Variants in KLHL18 observed in about 807,000 individuals in gnomAD.
The protein encoded by KLHL18 is kelch-like protein 18.
In KLHL18, 38 loss-of-function variants were observed where a neutral mutation model predicts 58.5. The ratio of observed to expected loss-of-function variants is 0.65; its 90% confidence interval spans 0.50 to 0.85. The LOEUF (loss-of-function observed/expected upper bound fraction) is 0.85, where lower values mean the gene tolerates loss of function less well. KLHL18 is among the 40% of genes least tolerant of loss of function. The probability of loss-of-function intolerance (pLI) is 0.00; values close to 1 mark genes in which losing one functional copy is unlikely to be tolerated. For missense variants in KLHL18, 624 were observed against 778.4 expected (o/e 0.80, Z 2.36); for synonymous variants, 303 against 301.9 (o/e 1.00, Z -0.04).
chr3:47,328,833 C>T (rs954554366), intron 3 of KLHL18, among the ~76,000 whole-genome samples: 1 of 152,010 alleles, frequency 6.6e-6, no homozygotes, highest in African/African-American at 2.4e-5. Flanking sequence ...CTTGTCTGAA[C>T]AATTAGGCCC....
chr3:47,331,761 G>T lies in KLHL18; in HGVS notation c.601-1396G>T, dbSNP rs537084786. ...CCTTTTTTTTTTTTTTTTAAAGTGA[G>T]AGAAATTACAGCATATTTGACTGCT... is the stretch of plus-strand genomic sequence containing the variant. On this transcript the variant is annotated intron_variant, in intron 4 of 9. Transcript: ENST00000232766. Among the ~76,000 whole-genome samples, 7 of 150,052 alleles carry T rather than the reference G, an allele frequency of 4.7e-5. No individual in the cohort carries two copies. In the East Asian group the frequency reaches 1.4e-3, roughly 29 times the overall value.
At position 47,330,108 on chromosome 3, in the gene KLHL18, C is replaced by T; in HGVS notation, c.559C>T (p.Leu187=). 6.2e-7 allele frequency: 1 copy of T among 1,614,124 alleles called. No homozygotes were observed. Among genetic ancestry groups the T allele is most frequent in the East Asian group, 2.2e-5 (1 of 44,890 alleles). The change falls in exon 4 of 10, where the codon CTG becomes TTG. Residue 187 remains leucine (L), a synonymous_variant. Transcript: ENST00000232766. ...CCTGCCCTTGGAAGACGTGCTTGAG[C>T]TGGTGTCTCGGGATGAGCTGAATGT... is the stretch of plus-strand genomic sequence containing the variant. The part of the protein sequence containing the change: ...LALPLEDVLE[L]VSRDELNVKS...
intron 1 of KLHL18, among the ~76,000 whole-genome samples, chr3:47,301,822 A>C (rs1703032242): frequency 6.6e-6 from 1 of 152,038 alleles, no homozygotes; most frequent in African/African-American, 2.4e-5. Flanking sequence ...TTGAGATAGG[A>C]TGTTGCTCTG....
intron 1 of KLHL18, among the ~76,000 whole-genome samples, chr3:47,287,054 A>G (rs1260596413): frequency 2.0e-5 from 3 of 152,166 alleles, no homozygotes; most frequent in Non-Finnish European, 4.4e-5. Context: ...CAGTGGTTCC[A>G]TTTTGGAGGG....
chr3:47,325,666 T>A (rs1010165007), intron 3 of KLHL18, among the ~76,000 whole-genome samples: 1 of 152,230 alleles, frequency 6.6e-6, no homozygotes, highest in Non-Finnish European at 1.5e-5. Context: ...CGCTGCTTTT[T>A]TTCCCCCTGA....
chr3:47,324,298 CTTTTTTTTTTTTTTTTTTT>C (rs769288621), intron 3 of KLHL18, among the ~76,000 whole-genome samples: 1 of 37,486 alleles, frequency 2.7e-5, no homozygotes, highest in African/African-American at 1.0e-4. Context: ...TTCTTTCTTT[CTTTTTTTTTTTTTTTTTTT>C]TTTTTTTCTG....
At position 47,342,765 on chromosome 3, in the gene KLHL18, G is replaced by A. The variant is rs1367421090; in HGVS notation, c.1273G>A (p.Val425Ile). ...GAGCTCGAATCGCAGTGCTGCTGGG[G>A]TTACAGTCTTTGAGGGCAGGATATA... ...SMSSNRSAAG[V>I]TVFEGRIYVS... Residue 425 changes from valine to isoleucine, a missense_variant, in exon 9 of 10, where the codon GTT becomes ATT. By Grantham distance (29) the Val-to-Ile change is conservative. Transcript: ENST00000232766. The A allele has an allele frequency of 3.7e-6, 6 of 1,614,192 alleles. No homozygotes were observed. The highest frequency in any genetic ancestry group is 5.1e-6 in the Non-Finnish European group (6 of 1,180,030).
rs764335912 is a variant in KLHL18, at chr3:47,283,080, G to A, written c.115G>A (p.Asp39Asn). Reference protein sequence around the residue: ...EEIRRQGKLCDVTLKIGDHKF... With the variant: ...EEIRRQGKLCNVTLKIGDHKF... Reference sequence around the variant, plus strand: ...GATCCGGCGGCAGGGCAAGCTGTGCGACGTGACCCTCAAGGTACCGCGGAC... The same window carrying A: ...GATCCGGCGGCAGGGCAAGCTGTGCAACGTGACCCTCAAGGTACCGCGGAC... The change falls in exon 1 of 10, where the codon GAC becomes AAC. Residue 39 changes from aspartate (D) to asparagine (N), a missense_variant. By Grantham distance (23) the Asp-to-Asn change is conservative. Coordinates refer to ENST00000232766, the MANE Select transcript of KLHL18 (RefSeq NM_025010.5). 6.5e-5 allele frequency: 103 copies of A among 1,583,934 alleles called. 1 individual carries two copies. Among genetic ancestry groups the A allele is most frequent in the Non-Finnish European group, 9.4e-6 (11 of 1,165,524 alleles).
intron 1 of KLHL18, among the ~76,000 whole-genome samples, chr3:47,294,899 T>C (rs1018248141): frequency 6.6e-6 from 1 of 152,112 alleles, no homozygotes; most frequent in Non-Finnish European, 1.5e-5. Context: ...GAAGACTAAT[T>C]CTGACTTGTT....
At chr3:47,297,672 G>C (rs957642604) in intron 1 of KLHL18, 3 of 449,116 alleles carry the variant, frequency 6.7e-6, no homozygotes, top group Non-Finnish European at 1.3e-5. Context: ...AAAAAGAAGA[G>C]GTAAAATTCA....
intron 1 of KLHL18, among the ~76,000 whole-genome samples, chr3:47,290,835 T>A (rs1480091819): frequency 1.3e-5 from 2 of 152,238 alleles, no homozygotes; most frequent in Non-Finnish European, 2.9e-5. Flanking sequence ...CAGCACTTGT[T>A]ATACAAATTT....
chr3:47,342,607 T>TAAGAGATG (rs1383507574), intron 8 of KLHL18, 112 bp from the exon 9 acceptor site: 9 of 788,016 alleles, frequency 1.1e-5, no homozygotes, highest in Non-Finnish European at 1.9e-5. Context: ...GGAGAGGTGA[T>TAAGAGATG]AAGAGATGGA....
Position 47,330,100 on chromosome 3 carries a change from T to C in KLHL18, c.551T>C (p.Val184Ala), listed in dbSNP as rs1703820603. The change falls in exon 4 of 10, where the codon GTG becomes GCG. Residue 184 changes from valine to alanine, a missense_variant. Val to Ala is a moderately conservative substitution (Grantham distance 64). Coordinates refer to ENST00000232766, the MANE Select transcript of KLHL18 (RefSeq NM_025010.5). ...EEFLALPLEDVLELVSRDELN... is the reference protein window; with the variant it reads ...EEFLALPLEDALELVSRDELN... ...TTCCTGGCCCTGCCCTTGGAAGACG[T>C]GCTTGAGCTGGTGTCTCGGGATGAG... 6.2e-7 allele frequency: 1 copy of C among 1,614,148 alleles called. No homozygotes were observed. Among genetic ancestry groups the C allele is most frequent in the Non-Finnish European group, 8.5e-7 (1 of 1,180,042 alleles).
At chr3:47,322,520 C>T (rs763664248) in intron 2 of KLHL18, 48 bp from the exon 3 acceptor site, 1 of 1,527,242 alleles carries the variant, frequency 6.5e-7, no homozygotes, top group South Asian at 1.3e-5. Flanking sequence ...TCCCGTGGGC[C>T]AAGACTCGTC....
At chr3:47,295,649 C>T (rs924363755) in intron 1 of KLHL18, among the ~76,000 whole-genome samples, 1 of 151,918 alleles carries the variant, frequency 6.6e-6, no homozygotes, top group African/African-American at 2.4e-5. Context: ...TTCATTGTAA[C>T]CTCGAATTCC....
At chr3:47,340,721 A>G (rs1704091335) in intron 8 of KLHL18, 45 bp downstream of exon 8, 2 of 1,609,436 alleles carry the variant, frequency 1.2e-6, no homozygotes, top group Non-Finnish European at 1.7e-6. Context: ...TTATAAACAG[A>G]GAGTATAAAA....
At chr3:47,307,201 A>G (rs946158126) in intron 1 of KLHL18, among the ~76,000 whole-genome samples, 1 of 152,128 alleles carries the variant, frequency 6.6e-6, no homozygotes, top group African/African-American at 2.4e-5. Context: ...CCTCCCAAGT[A>G]GCTGGGATTA....
chr3:47,343,823 C>T lies in KLHL18; in HGVS notation c.1607C>T (p.Ser536Leu). Reference sequence around the variant, plus strand: ...GCTGTTGGGGGCTACGACGGACAGTCAAACCTAAGCTCAGTGGAGATGTAT... The same window carrying T: ...GCTGTTGGGGGCTACGACGGACAGTTAAACCTAAGCTCAGTGGAGATGTAT... Reference protein sequence around the residue: ...LYAVGGYDGQSNLSSVEMYDP... With the variant: ...LYAVGGYDGQLNLSSVEMYDP... Residue 536 changes from serine to leucine, a missense_variant, in exon 10 of 10, where the codon TCA becomes TTA. Coordinates refer to ENST00000232766, the MANE Select transcript of KLHL18 (RefSeq NM_025010.5). The T allele has an allele frequency of 1.9e-6, 3 of 1,614,222 alleles. No individual in the cohort carries two copies. Among genetic ancestry groups the T allele is most frequent in the Non-Finnish European group, 2.5e-6 (3 of 1,180,034 alleles).
At chr3:47,316,717 A>G (rs1422684033) in intron 1 of KLHL18, among the ~76,000 whole-genome samples, 55 of 14,064 alleles carry the variant, frequency 3.9e-3, no homozygotes, top group African/African-American at 0.013. Context: ...GTATATATGT[A>G]TATGTGTGTG....
Sources: gnomAD v4.1 joint callset for allele counts (sites outside exome capture counted in the v4.1 genomes callset) on GRCh38, gnomAD v4.1.1 for gene constraint, MANE v1.5 for transcripts, NCBI Gene and HGNC (gene_info 2026-07-23, HGNC 2026-07-21) for gene names.